The following PPP6R2 variants were observed in gnomAD, a reference collection of about 807,000 sequenced individuals.
The protein encoded by PPP6R2 is protein phosphatase 6 regulatory subunit 2, also known as serine/threonine-protein phosphatase 6 regulatory subunit 2.
A neutral mutation model predicts 100.2 loss-of-function variants in PPP6R2; 62 were observed. That is an observed-to-expected ratio of 0.62 (90% CI 0.50 to 0.76). The LOEUF (loss-of-function observed/expected upper bound fraction) is 0.76. Ranked by LOEUF, PPP6R2 falls within the 30% of genes least tolerant of loss-of-function variation. PPP6R2 has a pLI of 0.00. For missense variants in PPP6R2, 1,142 were observed against 1,276.3 expected, an observed-to-expected ratio of 0.89 and a Z score of 1.60; for synonymous variants, 525 against 514.7, an observed-to-expected ratio of 1.02 and a Z score of -0.27.
At position 50,351,026 on chromosome 22, in the gene PPP6R2, G is replaced by GGTTTTTT. The variant is rs1386357403; in HGVS notation, c.-148+7476_-148+7477insGTTTTTT. Among the ~76,000 whole-genome samples the GGTTTTTT allele has an allele frequency of 3.1e-4, 25 of 80,742 alleles. 6 individuals are homozygous for GGTTTTTT. Among genetic ancestry groups the GGTTTTTT allele is most frequent in the African/African-American group, 8.2e-4 (16 of 19,544 alleles). 53.0% of individuals were successfully genotyped at this position (80,742 alleles called of 152,430 possible). A position where few individuals can be genotyped will look rare whatever the true frequency, so the allele number is the denominator to read the frequency against. ...TTTCTGAGCAGTAGGTCTCAACAGTGTTTTTTTTTTTTTTTTTTTTTTTTT... is the reference window on the plus strand; with the variant it reads ...TTTCTGAGCAGTAGGTCTCAACAGTGGTTTTTTTTTTTTTTTTTTTTTTTTTTTTTTT... On this transcript the variant is annotated intron_variant, in intron 1 of 23. Transcript: ENST00000612753.
upstream of PPP6R2, among the ~76,000 whole-genome samples, chr22:50,343,125 T>A (rs1040011884): frequency 6.6e-6 from 1 of 151,914 alleles, no homozygotes; most frequent in Non-Finnish European, 1.5e-5. Context: ...GACGCACTCT[T>A]ACCCCACCCA....
the PPP6R2 span, among the ~76,000 whole-genome samples, chr22:50,331,758 G>A: frequency 6.6e-6 from 1 of 152,128 alleles, no homozygotes; most frequent in African/African-American, 2.4e-5. Flanking sequence ...GAGTAGCTGG[G>A]ATTACAGATG....
At chr22:50,386,983 C>A (rs2054378414) in intron 2 of PPP6R2, among the ~76,000 whole-genome samples, 1 of 152,046 alleles carries the variant, frequency 6.6e-6, no homozygotes, top group Non-Finnish European at 1.5e-5. Flanking sequence ...TCCTATCTGT[C>A]CTGCTCTTCC....
intron 8 of PPP6R2, 99 bp from the exon 9 acceptor site, chr22:50,422,155 A>C (rs2061424845): frequency 1.3e-6 from 2 of 1,483,688 alleles, no homozygotes; most frequent in East Asian, 2.3e-5. Context: ...TGGGAAAGTT[A>C]AAAGGGCTCT....
chr22:50,338,149 T>C, the PPP6R2 span, among the ~76,000 whole-genome samples: 7 of 132,906 alleles, frequency 5.3e-5, no homozygotes, highest in African/African-American at 8.8e-5. Flanking sequence ...GTAGTGTGTG[T>C]GGTATGTGTG....
At chr22:50,339,345 A>AGT (rs2042342348), upstream of PPP6R2, among the ~76,000 whole-genome samples, 2 of 51,620 alleles carry the variant, frequency 3.9e-5, no homozygotes, top group Non-Finnish European at 7.4e-5. Flanking sequence ...TGTGGTATGT[A>AGT]GTGTGTGGTA....
At chr22:50,426,848 A>AC (rs1369630818) in intron 10 of PPP6R2, among the ~76,000 whole-genome samples, 1 of 149,378 alleles carries the variant, frequency 6.7e-6, no homozygotes, top group Admixed American at 6.7e-5. Flanking sequence ...AAAAAAAAAA[A>AC]AAACACCGTC....
intron 22 of PPP6R2, among the ~76,000 whole-genome samples, chr22:50,441,830 C>T (rs1375011728): frequency 6.6e-6 from 1 of 152,136 alleles, no homozygotes; most frequent in African/African-American, 2.4e-5. Flanking sequence ...CCTCTGGGGT[C>T]AGGGCGTGGG....
chr22:50,373,120 G>A (rs530569172), intron 2 of PPP6R2, among the ~76,000 whole-genome samples: 2 of 152,014 alleles, frequency 1.3e-5, no homozygotes, highest in Admixed American at 1.3e-4. Flanking sequence ...ACACAGTTAC[G>A]CAGAAAATGA....
At chr22:50,337,679 T>C in the PPP6R2 span, among the ~76,000 whole-genome samples, 55 of 106,374 alleles carry the variant, frequency 5.2e-4, no homozygotes, top group Admixed American at 1.3e-3. Context: ...TGTGTGTGTG[T>C]GCCATATGTG....
intron 2 of PPP6R2, among the ~76,000 whole-genome samples, chr22:50,391,238 C>T (rs1162975527): frequency 1.3e-5 from 2 of 151,670 alleles, no homozygotes; most frequent in African/African-American, 4.8e-5. Context: ...TCGAGACCAG[C>T]CTGACCAGTA....
rs2060189395 is a variant in PPP6R2 at position 50,414,331 on chromosome 22, G to GGCCC, written c.415-221_415-220insGCCC. ...GAGCCACAGGGGTCCCTGTGCAGTG[G>GGCCC]CCCCCCCCCCCCCCCCCCCGCCCAG... is the stretch of plus-strand genomic sequence containing the variant. On this transcript the variant is annotated intron_variant, in intron 4 of 23. Transcript: ENST00000612753. Among the ~76,000 whole-genome samples, 4 of 26,776 alleles carry GGCCC rather than the reference G, an allele frequency of 1.5e-4. 1 individual carries two copies. The highest frequency in any genetic ancestry group is 3.4e-4 in the African/African-American group (4 of 11,836). 17.6% of individuals were successfully genotyped at this position (26,776 alleles called of 152,430 possible). A position where few individuals can be genotyped will look rare whatever the true frequency, so the allele number is the denominator to read the frequency against.
chr22:50,338,756 T>A (rs1243616047), upstream of PPP6R2, among the ~76,000 whole-genome samples: 3 of 130,488 alleles, frequency 2.3e-5, no homozygotes, highest in Non-Finnish European at 4.8e-5. Flanking sequence ...GTGGTATGTG[T>A]GGTAGGTAGT....
At chr22:50,401,346 A>G (rs900733619) in intron 3 of PPP6R2, among the ~76,000 whole-genome samples, 11 of 142,894 alleles carry the variant, frequency 7.7e-5, no homozygotes, top group African/African-American at 2.4e-4. Flanking sequence ...AGCTGGAACT[A>G]CAGACGCCCA....
upstream of PPP6R2, among the ~76,000 whole-genome samples, chr22:50,340,954 A>G (rs547444594): frequency 6.6e-6 from 1 of 152,182 alleles, no homozygotes; most frequent in Non-Finnish European, 1.5e-5. Flanking sequence ...TCTGTCGCCC[A>G]GGCTGGAGTG....
Position 50,431,312 on chromosome 22 carries a change from A to G in PPP6R2, c.1265A>G (p.Glu422Gly). The stretch of plus-strand genomic sequence containing the variant: ...GAGAGCAGGGTGGAGCCTCCGCATG[A>G]GAACGGGAACCGGAGCCTGGAGACT... Reference protein sequence around the residue: ...GSESRVEPPHENGNRSLETPQ... With the variant: ...GSESRVEPPHGNGNRSLETPQ... Residue 422 changes from glutamate to glycine, a missense_variant, in exon 11 of 24, where the codon GAG becomes GGG. Coordinates refer to ENST00000612753, the MANE Select transcript of PPP6R2 (RefSeq NM_001242898.2). The surrounding 1 kb of genome is among the most constrained non-coding windows in gnomAD (Gnocchi z 4.8). The G allele has an allele frequency of 6.2e-7, 1 of 1,613,360 alleles. No individual in the cohort carries two copies. Among genetic ancestry groups the G allele is most frequent in the East Asian group, 2.2e-5 (1 of 44,886 alleles).
rs57634612 is a variant in PPP6R2 at position 50,414,331 on chromosome 22, GCCCCCCCCCCCC to G, written c.415-213_415-202del. Among the ~76,000 whole-genome samples the G allele has an allele frequency of 2.2e-4, 6 of 26,800 alleles. 1 individual carries two copies. The highest frequency in any genetic ancestry group is 1.6e-3 in the South Asian group (1 of 618). The allele number at this position is 26,800 out of a possible 152,430, so 17.6% of individuals were successfully genotyped here. On this transcript the variant is annotated intron_variant, in intron 4 of 23. Coordinates refer to ENST00000612753, the MANE Select transcript of PPP6R2 (RefSeq NM_001242898.2). ...GAGCCACAGGGGTCCCTGTGCAGTGGCCCCCCCCCCCCCCCCCCCGCCCAGACCCTCACATAC... is the reference window on the plus strand; with the variant it reads ...GAGCCACAGGGGTCCCTGTGCAGTGGCCCCCCCGCCCAGACCCTCACATAC...
intron 3 of PPP6R2, among the ~76,000 whole-genome samples, chr22:50,401,242 C>T (rs1303163176): frequency 6.6e-6 from 1 of 152,000 alleles, no homozygotes; most frequent in Non-Finnish European, 1.5e-5. Context: ...GAGTCTGGCT[C>T]TGTCGCCCAG....
chr22:50,375,802 T>G (rs1323604595), intron 2 of PPP6R2, among the ~76,000 whole-genome samples: 3 of 146,532 alleles, frequency 2.0e-5, no homozygotes, highest in Non-Finnish European at 4.5e-5. Context: ...AGAAGTTACC[T>G]TCATCCTAAG....
Sources: gnomAD v4.1 joint callset for allele counts (sites outside exome capture counted in the v4.1 genomes callset) on GRCh38, gnomAD v4.1.1 for gene constraint, Gnocchi (gnomAD v3.1) non-coding constraint, MANE v1.5 for transcripts, NCBI Gene and HGNC (gene_info 2026-07-23, HGNC 2026-07-21) for gene names.